The following ABCC6 variants were observed in gnomAD, a reference collection of about 807,000 sequenced individuals.
ABCC6 encodes ATP-binding cassette sub-family C member 6.
ABCC6 carries 126 observed loss-of-function variants against 169.5 expected under a neutral mutation model. The observed-to-expected ratio is 0.74, with a 90% CI of 0.64 to 0.86. ABCC6 has a LOEUF of 0.86. ABCC6 is among the 40% of genes least tolerant of loss of function. The pLI is 0.00. For synonymous variants in ABCC6, 752 were observed against 814.7 expected (o/e 0.92, Z 1.31); for missense variants, 1,733 against 1,927.2 (o/e 0.90, Z 1.89).
At chr16:16,196,662 A>G (rs546375534) in intron 10 of ABCC6, among the ~76,000 whole-genome samples, 1 of 152,114 alleles carries the variant, frequency 6.6e-6, no homozygotes, top group South Asian at 2.1e-4. Context: ...GGAGGATTTG[A>G]GCCTAGGCAG....
rs2048112873 is a variant in ABCC6 at position 16,198,068 on chromosome 16, A to G, written c.1291T>C (p.Trp431Arg). 1 of 1,614,104 alleles carries G rather than the reference A, an allele frequency of 6.2e-7. No homozygotes were observed. Among genetic ancestry groups the G allele is most frequent in the Admixed American group, 1.7e-5 (1 of 60,018 alleles). The stretch of plus-strand genomic sequence containing the variant: ...ACCACGATCCAGACGAGAGGCAGCC[A>G]CAGCCCGTTGAGGTAGAGGACGCTC... ...TESVLYLNGL[W>R]LPLVWIVVCF... The change falls in exon 10 of 31, where the codon TGG becomes CGG. Residue 431 changes from tryptophan to arginine, a missense_variant. By Grantham distance (101) the Trp-to-Arg change is moderately radical (BLOSUM62 -3). Around this residue, in one of 5 missense-constraint regions of ABCC6, gnomAD observed 1,601 missense variants for 1,635.5 expected, o/e 0.98. Coordinates refer to ENST00000205557, the MANE Select transcript of ABCC6 (RefSeq NM_001171.6).
At chr16:16,185,183 A>G in intron 14 of ABCC6, 149 bp from the exon 15 acceptor site, 1 of 767,650 alleles carries the variant, frequency 1.3e-6, no homozygotes, top group Non-Finnish European at 2.2e-6. Flanking sequence ...CCTGCTACTC[A>G]CTGGCTTGTG....
chr16:16,219,336 G>A (rs1567548549), intron 4 of ABCC6, among the ~76,000 whole-genome samples: 2 of 152,174 alleles, frequency 1.3e-5, no homozygotes, highest in Non-Finnish European at 2.9e-5. Flanking sequence ...GTGTGATGTG[G>A]GCCTGTAAGA....
chr16:16,169,642 G>A lies in ABCC6; in HGVS notation c.2995+4C>T, dbSNP rs376872423. Reference sequence around the variant, plus strand: ...GAGGGATGAGGAGGGCAGGTGAGGCGTACCTTGGAGACAGCCGAGGAGCCC... The same window carrying A: ...GAGGGATGAGGAGGGCAGGTGAGGCATACCTTGGAGACAGCCGAGGAGCCC... On this transcript the variant is annotated splice_donor_region_variant and intron_variant, in intron 22 of 30. Coordinates refer to ENST00000205557, the MANE Select transcript of ABCC6 (RefSeq NM_001171.6). 8.6e-5 allele frequency: 139 copies of A among 1,610,204 alleles called. No individual in the cohort carries two copies. The highest frequency in any genetic ancestry group is 1.1e-4 in the Non-Finnish European group (128 of 1,179,528).
At chr16:16,211,172 C>T (rs1596744419) in intron 6 of ABCC6, among the ~76,000 whole-genome samples, 3 of 151,908 alleles carry the variant, frequency 2.0e-5, no homozygotes, top group Admixed American at 6.6e-5. Flanking sequence ...GAAGCCGAGG[C>T]GGGCAGATCA....
intron 12 of ABCC6, among the ~76,000 whole-genome samples, chr16:16,189,322 G>A: frequency 6.6e-6 from 1 of 152,118 alleles, no homozygotes; most frequent in East Asian, 1.9e-4. Flanking sequence ...TCTAGACGTG[G>A]TGGAACTTGT....
chr16:16,163,454 G>A (rs1337039533), intron 23 of ABCC6, among the ~76,000 whole-genome samples: 1 of 152,180 alleles, frequency 6.6e-6, no homozygotes. Context: ...GGAATCTCTG[G>A]AAATGTCACC....
chr16:16,193,525 C>T (rs1174330251), intron 10 of ABCC6, among the ~76,000 whole-genome samples: 1 of 152,084 alleles, frequency 6.6e-6, no homozygotes, highest in Admixed American at 6.6e-5. Context: ...ACCAGCCTGG[C>T]CAACATAGTG....
In ABCC6 at chr16:16,177,641, G is replaced by A. The variant is rs772077399; in HGVS notation, c.2416-15C>T. 1.9e-6 allele frequency: 3 copies of A among 1,614,056 alleles called. No homozygotes were observed. The South Asian group carries it at 3.3e-5, about 18-fold the overall frequency. ...AGAATCCGTGTCTGGGCAGGGAAGG[G>A]GTAGAAGTTACACACATGTGGCCGG... On this transcript the variant is annotated splice_polypyrimidine_tract_variant and intron_variant, in intron 18 of 30. Coordinates refer to ENST00000205557, the MANE Select transcript of ABCC6 (RefSeq NM_001171.6).
In ABCC6 at chr16:16,166,000, C is replaced by T. The variant is rs1019406739; in HGVS notation, c.2996-67G>A. 5.4e-5 allele frequency: 82 copies of T among 1,516,370 alleles called. 1 individual carries two copies. The highest frequency in any genetic ancestry group is 1.3e-4 in the South Asian group (11 of 86,548). The allele number at this position is 1,516,370 out of a possible 1,614,324, so 93.9% of individuals were successfully genotyped here. A position where few individuals can be genotyped will look rare whatever the true frequency, so the allele number is the denominator to read the frequency against. Reference sequence around the variant, plus strand: ...CTCAGGAGCGGCCCACGGGGCCCTGCGCAGGTCTCTCCCGCTACCCCATGG... The same window carrying T: ...CTCAGGAGCGGCCCACGGGGCCCTGTGCAGGTCTCTCCCGCTACCCCATGG... On this transcript the variant is annotated intron_variant, in intron 22 of 30. Coordinates refer to ENST00000205557, the MANE Select transcript of ABCC6 (RefSeq NM_001171.6).
In ABCC6 at chr16:16,220,760, G is replaced by C. The variant is rs545490061; in HGVS notation, c.220-813C>G. On this transcript the variant is annotated intron_variant, in intron 2 of 30. Coordinates refer to ENST00000205557, the MANE Select transcript of ABCC6 (RefSeq NM_001171.6). The stretch of plus-strand genomic sequence containing the variant: ...AAAATACAAAAAAATAGCGAGGTGT[G>C]GGGGTGGGCACCTGTAATCCCAGCT... Among the ~76,000 whole-genome samples, 318 of 151,932 alleles carry C rather than the reference G, an allele frequency of 2.1e-3. 2 individuals are homozygous for C. The highest frequency in any genetic ancestry group is 3.1e-3 in the Non-Finnish European group (211 of 67,956).
chr16:16,154,752 G>C lies in ABCC6; in HGVS notation c.4084C>G (p.Leu1362Val). 1.2e-6 allele frequency: 2 copies of C among 1,613,034 alleles called. No homozygotes were observed. The highest frequency in any genetic ancestry group is 1.7e-6 in the Non-Finnish European group (2 of 1,179,676). Residue 1362 changes from leucine to valine, a missense_variant, in exon 29 of 31, where the codon CTG (leucine) becomes GTG (valine). Physicochemically the swap from Leu to Val is conservative, Grantham distance 32 (BLOSUM62 1). Around this residue, in one of 5 missense-constraint regions of ABCC6, gnomAD observed 1,601 missense variants for 1,635.5 expected, o/e 0.98. Transcript: ENST00000205557. ...GCCTCGTCCGAGTGCTCCTGCAGCA[G>C]GTCGAGGTTCATCCGCAGAGAGCCA... The part of the protein sequence containing the change: ...FPGSLRMNLD[L>V]LQEHSDEAIW...
At chr16:16,210,025 C>T (rs1300390607) in intron 6 of ABCC6, among the ~76,000 whole-genome samples, 1 of 152,194 alleles carries the variant, frequency 6.6e-6, no homozygotes, top group South Asian at 2.1e-4. Flanking sequence ...GCCACTGTGC[C>T]TGGCCTCAGG....
intron 11 of ABCC6, among the ~76,000 whole-genome samples, chr16:16,190,837 GA>G (rs2047825489): frequency 6.8e-6 from 1 of 146,376 alleles, no homozygotes; most frequent in Non-Finnish European, 1.5e-5. Flanking sequence ...AAATGACCAG[GA>G]AGTGCGTGCT....
At chr16:16,176,451 A>C (rs1457369397) in intron 19 of ABCC6, among the ~76,000 whole-genome samples, 1 of 152,236 alleles carries the variant, frequency 6.6e-6, no homozygotes, top group African/African-American at 2.4e-5. Context: ...TGTAAGCAAC[A>C]AGTAACTGCT....
rs181165420 is a variant in ABCC6 at position 16,193,646 on chromosome 16, G to A, written c.1339-724C>T. Among the ~76,000 whole-genome samples the A allele has an allele frequency of 2.5e-3, 377 of 152,252 alleles. 4 individuals carry two copies. Among genetic ancestry groups the A allele is most frequent in the African/African-American group, 7.8e-3 (325 of 41,544 alleles). ...GGAGAATAGCTTGAACCCAGGAGGC[G>A]GAGCTTACAGTGAGCCACGATCGCA... On this transcript the variant is annotated intron_variant, in intron 10 of 30. Coordinates refer to ENST00000205557, the MANE Select transcript of ABCC6 (RefSeq NM_001171.6).
chr16:16,192,988 C>G (rs984621239), intron 10 of ABCC6, 66 bp from the exon 11 acceptor site: 2 of 1,342,558 alleles, frequency 1.5e-6, no homozygotes, highest in Admixed American at 1.8e-5. Context: ...GCACGTGAAC[C>G]AGAGCAACTC....
intron 25 of ABCC6, among the ~76,000 whole-genome samples, chr16:16,160,884 A>G (rs1472401426): frequency 6.6e-6 from 1 of 152,150 alleles, no homozygotes; most frequent in African/African-American, 2.4e-5. Flanking sequence ...ACAAATGCTT[A>G]TGAGTGTATA....
chr16:16,189,340 G>T (rs1380231391), intron 12 of ABCC6, among the ~76,000 whole-genome samples: 3 of 151,980 alleles, frequency 2.0e-5, no homozygotes, highest in African/African-American at 4.8e-5. Context: ...TGTGATTCTA[G>T]AGTCCCTTGG....
Sources: gnomAD v4.1 joint callset for allele counts (sites outside exome capture counted in the v4.1 genomes callset) on GRCh38, gnomAD v4.1.1 for gene constraint, gnomAD v4.1.1 regional missense constraint, MANE v1.5 for transcripts, NCBI Gene and HGNC (gene_info 2026-07-23, HGNC 2026-07-21) for gene names.